Variants in CDKL4 observed in about 807,000 individuals in gnomAD.
CDKL4 encodes cyclin-dependent kinase-like 4.
CDKL4 carries 44 observed loss-of-function variants against 42.0 expected under a neutral mutation model. That is an observed-to-expected ratio of 1.05 (90% CI 0.82 to 1.35). The LOEUF is 1.35. CDKL4 is among the 40% of genes most tolerant of loss of function. The pLI is 0.00. For missense variants in CDKL4, 393 were observed against 369.9 expected, an observed-to-expected ratio of 1.06 and a Z score of -0.51; for synonymous variants, 120 against 121.6, an observed-to-expected ratio of 0.99 and a Z score of 0.09.
intron 3 of CDKL4, among the ~76,000 whole-genome samples, chr2:39,221,559 G>A (rs1678375100): frequency 6.6e-6 from 1 of 152,142 alleles, no homozygotes; most frequent in Non-Finnish European, 1.5e-5. Context: ...TTTCATAAAA[G>A]AGCAGCATAT....
intron 1 of CDKL4, among the ~76,000 whole-genome samples, chr2:39,241,162 A>C (rs1254109244): frequency 1.3e-5 from 2 of 152,238 alleles, no homozygotes; most frequent in Non-Finnish European, 2.9e-5. Context: ...TTATATAAGA[A>C]AATGTCCTAG....
chr2:39,169,689 ATGT>A, the CDKL4 span, among the ~76,000 whole-genome samples: 1 of 152,226 alleles, frequency 6.6e-6, no homozygotes, highest in South Asian at 2.1e-4. Context: ...GAAAAGTTAA[ATGT>A]TGTGTCAAGG....
At chr2:39,233,186 A>G (rs952085374) in intron 1 of CDKL4, among the ~76,000 whole-genome samples, 3 of 152,120 alleles carry the variant, frequency 2.0e-5, no homozygotes, top group Non-Finnish European at 2.9e-5. Context: ...AAGCTTTAAG[A>G]AAGACAGAAG....
chr2:39,230,417 G>T (rs1240184526), intron 1 of CDKL4, among the ~76,000 whole-genome samples: 1 of 152,178 alleles, frequency 6.6e-6, no homozygotes, highest in Non-Finnish European at 1.5e-5. Context: ...TGGAAGAACA[G>T]ATTCTTAAGT....
chr2:39,206,477 C>T (rs192114660), intron 4 of CDKL4, among the ~76,000 whole-genome samples: 23 of 152,320 alleles, frequency 1.5e-4, no homozygotes, highest in Middle Eastern at 3.4e-3. Context: ...AGGAGCGGCC[C>T]GGCTAGGGGC....
upstream of CDKL4, among the ~76,000 whole-genome samples, chr2:39,245,786 T>G (rs1679891121): frequency 6.6e-6 from 1 of 152,196 alleles, no homozygotes; most frequent in African/African-American, 2.4e-5. Flanking sequence ...TTTTCGGTCT[T>G]GTTTAATTAT....
chr2:39,192,586 C>G (rs933048928), intron 5 of CDKL4, among the ~76,000 whole-genome samples: 1 of 151,598 alleles, frequency 6.6e-6, no homozygotes, highest in East Asian at 1.9e-4. Flanking sequence ...TTGCTCAGGC[C>G]TGTACAAGTA....
chr2:39,192,619 A>T lies in CDKL4; in HGVS notation c.455-2117T>A, dbSNP rs112043486. 1.2e-3 allele frequency among the ~76,000 whole-genome samples: 186 copies of T among 151,500 alleles called. 3 individuals carry two copies. The highest frequency in any genetic ancestry group is 4.4e-3 in the African/African-American group (180 of 41,252). On this transcript the variant is annotated intron_variant, in intron 5 of 9. Transcript: ENST00000451199. ...GTACTTTTGATCATACTACATACAC[A>T]ATTCTGTGTCCTGATTTTTTTCATT...
chr2:39,188,225 C>A (rs557529963), intron 6 of CDKL4, among the ~76,000 whole-genome samples: 1 of 152,174 alleles, frequency 6.6e-6, no homozygotes, highest in East Asian at 1.9e-4. Flanking sequence ...GCCAGTTCTC[C>A]CAAACCAGTC....
At chr2:39,225,706 C>T in intron 3 of CDKL4, 133 bp downstream of exon 3, 1 of 810,192 alleles carries the variant, frequency 1.2e-6, no homozygotes, top group Non-Finnish European at 1.8e-6. Context: ...CATCCTGAGA[C>T]TGGATGGGGT....
chr2:39,208,341 C>T (rs1351375979), intron 4 of CDKL4, among the ~76,000 whole-genome samples: 2 of 151,302 alleles, frequency 1.3e-5, no homozygotes, highest in Admixed American at 1.3e-4. Flanking sequence ...GAGTTTTATA[C>T]ACAGCTTTTT....
At chr2:39,245,224 C>T (rs1679861558), upstream of CDKL4, among the ~76,000 whole-genome samples, 2 of 152,108 alleles carry the variant, frequency 1.3e-5, no homozygotes, top group African/African-American at 4.8e-5. Flanking sequence ...TAACACTCAC[C>T]GCGAAGATCT....
chr2:39,226,466 T>TATATATATATATATATA (rs1491257146), intron 2 of CDKL4, among the ~76,000 whole-genome samples: 2 of 97,418 alleles, frequency 2.1e-5, no homozygotes, highest in Non-Finnish European at 5.5e-5. Context: ...TTATATATAT[T>TATATATATATATATATA]ATATATATAT....
the CDKL4 span, among the ~76,000 whole-genome samples, chr2:39,168,369 A>T: frequency 1.3e-5 from 2 of 152,242 alleles, no homozygotes; most frequent in African/African-American, 4.8e-5. Context: ...CTTTAAAAAT[A>T]CAAATCATTT....
chr2:39,197,105 C>G (rs1397854774), intron 5 of CDKL4, among the ~76,000 whole-genome samples: 3 of 152,052 alleles, frequency 2.0e-5, no homozygotes, highest in African/African-American at 7.2e-5. Flanking sequence ...GGAAAAATCT[C>G]CAGTGAAACA....
intron 7 of CDKL4, among the ~76,000 whole-genome samples, chr2:39,185,406 GTA>G (rs1302865920): frequency 1.4e-4 from 2 of 14,482 alleles, no homozygotes; most frequent in Admixed American, 5.1e-4. Context: ...ATACATATGT[GTA>G]TATATACATA....
chr2:39,193,537 G>A (rs553130370), intron 5 of CDKL4, among the ~76,000 whole-genome samples: 21 of 151,918 alleles, frequency 1.4e-4, no homozygotes, highest in East Asian at 3.9e-4. Flanking sequence ...CAACATGCCC[G>A]GCTAATTTTG....
In CDKL4 at chr2:39,202,578, T is replaced by A. The variant is rs189112399; in HGVS notation, c.454+1949A>T. Among the ~76,000 whole-genome samples the A allele has an allele frequency of 2.0e-5, 3 of 152,336 alleles. No homozygotes were observed. In the East Asian group the frequency reaches 5.8e-4, roughly 29 times the overall value. ...TTTTTCCTTTTGTTGCTTGTGCTTTTGGTGTCACATCCAAGAAATCACTGT... is the reference window on the plus strand; with the variant it reads ...TTTTTCCTTTTGTTGCTTGTGCTTTAGGTGTCACATCCAAGAAATCACTGT... On this transcript the variant is annotated intron_variant, in intron 5 of 9. Coordinates refer to ENST00000451199, the Ensembl canonical transcript of CDKL4.
At chr2:39,209,293 CAG>C (rs964686887) in intron 4 of CDKL4, among the ~76,000 whole-genome samples, 3 of 141,686 alleles carry the variant, frequency 2.1e-5, no homozygotes, top group African/African-American at 7.9e-5. Flanking sequence ...GCCTGGGAAA[CAG>C]AGCAAGATCC....
Sources: allele counts gnomAD v4.1 joint callset (sites outside exome capture counted in the v4.1 genomes callset), GRCh38; gene constraint gnomAD v4.1.1; transcripts MANE v1.5; gene names NCBI Gene and HGNC (gene_info 2026-07-23, HGNC 2026-07-21).